The following SLC35B3 variants were observed in gnomAD, a reference collection of about 807,000 sequenced individuals.
SLC35B3 encodes solute carrier family 35 member B3, also known as adenosine 3'-phospho 5'-phosphosulfate transporter 2.
Under a neutral mutation model 44.1 loss-of-function variants are expected in SLC35B3, and 35 were observed. That is an observed-to-expected ratio of 0.79 (90% CI 0.61 to 1.05). The LOEUF (loss-of-function observed/expected upper bound fraction) is 1.05, where lower values mean the gene tolerates loss of function less well. Ranked by LOEUF, SLC35B3 falls within the 50% of genes least tolerant of loss-of-function variation. SLC35B3 has a pLI of 0.00. For missense variants in SLC35B3, 414 were observed against 476.4 expected (o/e 0.87, Z 1.22); for synonymous variants, 146 against 167.3 (o/e 0.87, Z 0.98).
intron 2 of SLC35B3, among the ~76,000 whole-genome samples, 184 bp from the exon 2 acceptor site, chr6:8,430,341 T>A (rs1324465828): frequency 2.0e-5 from 3 of 152,160 alleles, no homozygotes; most frequent in Non-Finnish European, 4.4e-5. Flanking sequence ...AAACAATTTG[T>A]CTACAGCTGA....
Position 8,420,665 on chromosome 6 carries a change from T to G in SLC35B3, c.682+56A>C. On this transcript the variant is annotated intron_variant, in intron 6 of 10. Coordinates refer to ENST00000644923, the MANE Select transcript of SLC35B3 (RefSeq NM_001370476.2). This position sits in a 1 kb window ranked among gnomAD's most constrained non-coding sequence, Gnocchi z 4.4. ...TAAAATGCTTACAAAATATTCGAAATTCGTATTCTAAACTAAAAAGCCTAT... is the reference window on the plus strand; with the variant it reads ...TAAAATGCTTACAAAATATTCGAAAGTCGTATTCTAAACTAAAAAGCCTAT... 1 of 1,301,148 alleles carries G rather than the reference T, an allele frequency of 7.7e-7. No individual in the cohort carries two copies. The highest frequency in any genetic ancestry group is 1.1e-6 in the Non-Finnish European group (1 of 918,890). The allele number at this position is 1,301,148 out of a possible 1,614,324, so 80.6% of individuals were successfully genotyped here. A position where few individuals can be genotyped will look rare whatever the true frequency, so the allele number is the denominator to read the frequency against.
Position 8,433,668 on chromosome 6 carries a change from A to G in SLC35B3, c.3+717T>C, listed in dbSNP as rs565188611. On this transcript the variant is annotated intron_variant, in intron 2 of 10. Transcript: ENST00000644923. This position sits in a 1 kb window ranked among gnomAD's most constrained non-coding sequence, Gnocchi z 4.1. Reference sequence around the variant, plus strand: ...CGACATTGCTACTGAAACTCCCCACAAAACATTTGAAATGAACATGAAAAT... The same window carrying G: ...CGACATTGCTACTGAAACTCCCCACGAAACATTTGAAATGAACATGAAAAT... 3.9e-5 allele frequency among the ~76,000 whole-genome samples: 6 copies of G among 152,162 alleles called. No individual in the cohort carries two copies. Among genetic ancestry groups the G allele is most frequent in the Non-Finnish European group, 8.8e-5 (6 of 68,030 alleles).
Position 8,413,238 on chromosome 6 carries a change from A to G in SLC35B3, c.*311T>C. 1 of 244,042 alleles carries G rather than the reference A, an allele frequency of 4.1e-6. No homozygotes were observed. The highest frequency in any genetic ancestry group is 7.9e-6 in the Non-Finnish European group (1 of 127,298). The allele number at this position is 244,042 out of a possible 1,614,324, so 15.1% of individuals were successfully genotyped here. On this transcript the variant is annotated 3_prime_UTR_variant, in exon 11 of 11. Coordinates refer to ENST00000644923, the MANE Select transcript of SLC35B3 (RefSeq NM_001370476.2). The stretch of plus-strand genomic sequence containing the variant: ...TCGATTTCTTTGATAGGATATAATT[A>G]TAGCCAATTAGTCTTGCAACACATG...
At chr6:8,415,918 T>C (rs940955307) in intron 9 of SLC35B3, among the ~76,000 whole-genome samples, 1 of 152,120 alleles carries the variant, frequency 6.6e-6, no homozygotes, top group African/African-American at 2.4e-5. Flanking sequence ...CTGCATAGCA[T>C]GAGGATGAAG....
chr6:8,423,749 C>A (rs940911807), intron 4 of SLC35B3, among the ~76,000 whole-genome samples: 59 of 152,140 alleles, frequency 3.9e-4, no homozygotes, highest in African/African-American at 1.4e-3. Context: ...TAAAATGCAT[C>A]ATTTACATTC....
At chr6:8,422,907 GTTTTTT>G (rs57405337) in intron 4 of SLC35B3, among the ~76,000 whole-genome samples, 4 of 146,348 alleles carry the variant, frequency 2.7e-5, no homozygotes, top group Admixed American at 1.4e-4. Flanking sequence ...TTGACAAAAG[GTTTTTT>G]TTTTTTTTTT....
rs1396477758 is a variant in SLC35B3, at chr6:8,435,540, C to T, written c.-241G>A. 3 of 436,456 alleles carry T rather than the reference C, an allele frequency of 6.9e-6. No individual in the cohort carries two copies. The highest frequency in any genetic ancestry group is 6.2e-5 in the African/African-American group (3 of 48,486). 27.0% of individuals were successfully genotyped at this position (436,456 alleles called of 1,614,324 possible). ...TCCGGCGCCCGCAGGCCACTTCCGC[C>T]TATGTGTCCCTGCGCGCGTGCGCAG... On this transcript the variant is annotated 5_prime_UTR_variant, in exon 1 of 11. Transcript: ENST00000644923. This position sits in a 1 kb window ranked among gnomAD's most constrained non-coding sequence, Gnocchi z 5.5.
At chr6:8,425,960 G>A (rs909024337) in intron 4 of SLC35B3, among the ~76,000 whole-genome samples, 43 of 152,152 alleles carry the variant, frequency 2.8e-4, no homozygotes, top group African/African-American at 8.9e-4. Flanking sequence ...CTCAAATCTA[G>A]ATGGTTGCTA....
rs1762677636 is a variant in SLC35B3, at chr6:8,419,259, G to A, written c.780+321C>T. On this transcript the variant is annotated intron_variant, in intron 7 of 10. Coordinates refer to ENST00000644923, the MANE Select transcript of SLC35B3 (RefSeq NM_001370476.2). The surrounding 1 kb of genome is among the most constrained non-coding windows in gnomAD (Gnocchi z 4.3). ...GAAGCCAGCAAGGAAAAGACAAATT[G>A]GGCCATATAAAAATTACAAACTTCT... 6.6e-6 allele frequency among the ~76,000 whole-genome samples: 1 copy of A among 151,742 alleles called. No individual in the cohort carries two copies. The highest frequency in any genetic ancestry group is 2.4e-5 in the African/African-American group (1 of 41,340).
rs1454774563 is a variant in SLC35B3, at chr6:8,432,975, CA to C, written c.3+1409del. Among the ~76,000 whole-genome samples, 1 of 152,182 alleles carries C rather than the reference CA, an allele frequency of 6.6e-6. No homozygotes were observed. Among genetic ancestry groups the C allele is most frequent in the African/African-American group, 2.4e-5 (1 of 41,448 alleles). On this transcript the variant is annotated intron_variant, in intron 2 of 10. Transcript: ENST00000644923. The surrounding 1 kb of genome is among the most constrained non-coding windows in gnomAD (Gnocchi z 4.8). ...AAAGCTGATTATTTTCCCCTCAAAACAAATCTACTGTTTGTTCCTATATTCC... is the reference window on the plus strand; with the variant it reads ...AAAGCTGATTATTTTCCCCTCAAAACAATCTACTGTTTGTTCCTATATTCC...
chr6:8,425,884 T>C (rs991394118), intron 4 of SLC35B3, among the ~76,000 whole-genome samples: 2 of 152,210 alleles, frequency 1.3e-5, no homozygotes, highest in Non-Finnish European at 1.5e-5. Flanking sequence ...ACTTTCTGTT[T>C]ATAATCAGAG....
intron 9 of SLC35B3, among the ~76,000 whole-genome samples, 199 bp from the exon 9 acceptor site, chr6:8,415,176 T>C (rs1044253909): frequency 3.3e-5 from 5 of 152,156 alleles, no homozygotes; most frequent in Non-Finnish European, 7.4e-5. Flanking sequence ...TTTAGTCTTG[T>C]AGGGAAACAG....
intron 9 of SLC35B3, among the ~76,000 whole-genome samples, chr6:8,415,698 A>C (rs1450275413): frequency 6.6e-6 from 1 of 152,208 alleles, no homozygotes; most frequent in Non-Finnish European, 1.5e-5. Context: ...CAAAGGAAGA[A>C]GCTGTTCTGG....
chr6:8,426,775 A>C (rs1763451807), intron 4 of SLC35B3, among the ~76,000 whole-genome samples: 1 of 152,208 alleles, frequency 6.6e-6, no homozygotes, highest in South Asian at 2.1e-4. Context: ...GGTATCAGGC[A>C]GAGGCTGGAA....
At chr6:8,429,781 ATCTTG>A in intron 3 of SLC35B3, 78 bp downstream of exon 2, 1 of 1,025,336 alleles carries the variant, frequency 9.8e-7, no homozygotes, top group Non-Finnish European at 1.4e-6. Flanking sequence ...CTAAGTGACT[ATCTTG>A]GGCAAAACTA....
Sources: gnomAD v4.1 joint callset for allele counts (sites outside exome capture counted in the v4.1 genomes callset) on GRCh38, gnomAD v4.1.1 for gene constraint, Gnocchi (gnomAD v3.1) non-coding constraint, MANE v1.5 for transcripts, NCBI Gene and HGNC (gene_info 2026-07-23, HGNC 2026-07-21) for gene names.